GAGE1: variants seen among roughly 807,000 people sequenced by gnomAD.
GAGE1 encodes G antigen 1, also known as G antigen 4.
Under a neutral mutation model 5.0 loss-of-function variants are expected in GAGE1, and 5 were observed. The observed-to-expected ratio is 1.00, with a 90% CI of 0.52 to 2.11. The LOEUF (loss-of-function observed/expected upper bound fraction) is 2.11, where lower values mean the gene tolerates loss of function less well. GAGE1 is among the 30% of genes most tolerant of loss of function. The pLI is 0.01. For missense variants in GAGE1, 9 were observed against 38.9 expected (o/e 0.23, Z 2.04); for synonymous variants, 6 against 14.8 (o/e 0.40, Z 1.37).
At chrX:49,604,179 G>C (rs1312956476) in intron 4 of GAGE1, among the ~76,000 whole-genome samples, 1 of 112,667 alleles carries the variant, frequency 8.9e-6, no homozygotes, top group Non-Finnish European at 1.9e-5. Flanking sequence ...GTAAGAGAGA[G>C]TTAACAATAC....
intron 4 of GAGE1, chrX:49,604,954 C>T (rs782471410): frequency 2.6e-5 from 17 of 647,643 alleles, no homozygotes; most frequent in African/African-American, 9.0e-5. Flanking sequence ...ACTACATGCA[C>T]AAGCCAACGT....
chrX:49,603,022 CA>C (rs1246893050), intron 3 of GAGE1, among the ~76,000 whole-genome samples: 1 of 88,633 alleles, frequency 1.1e-5, no homozygotes, highest in Non-Finnish European at 2.3e-5. Flanking sequence ...CTTGGCATCC[CA>C]AAATGTTTGG....
At chrX:49,605,924 A>AATAATT in intron 4 of GAGE1, 69 bp from the exon 5 acceptor site, 1 of 501,954 alleles carries the variant, frequency 2.0e-6, no homozygotes, top group Non-Finnish European at 2.8e-6. Context: ...TAATAATAAT[A>AATAATT]ATAATAATAA....
chrX:49,606,129 A>C lies in GAGE1; in HGVS notation c.*114A>C. ...AAAGAAGTCTTGTGAATCTTTTGTC[A>C]ATTTTATTTCTAGCTATTTGATGCT... On this transcript the variant is annotated 3_prime_UTR_variant, in exon 5 of 5. Transcript: ENST00000381700. 1 of 433,731 alleles carries C rather than the reference A, an allele frequency of 2.3e-6. No homozygotes were observed. The allele number at this position is 433,731 out of a possible 1,213,427, so 35.7% of individuals were successfully genotyped here. A position where few individuals can be genotyped will look rare whatever the true frequency, so the allele number is the denominator to read the frequency against.
At chrX:49,605,200 G>T in intron 4 of GAGE1, 1 of 875,109 alleles carries the variant, frequency 1.1e-6, no homozygotes, top group Non-Finnish European at 1.5e-6. Flanking sequence ...CATGCTCCCT[G>T]CCCCACTGTC....
In GAGE1 at chrX:49,606,062, T is replaced by G. The variant is rs782010438; in HGVS notation, c.*47T>G. The G allele has an allele frequency of 3.1e-5, 29 of 942,787 alleles. No homozygotes were observed. The highest frequency in any genetic ancestry group is 3.9e-5 in the Non-Finnish European group (28 of 711,825). 77.7% of individuals were successfully genotyped at this position (942,787 alleles called of 1,213,427 possible). A position where few individuals can be genotyped will look rare whatever the true frequency, so the allele number is the denominator to read the frequency against. ...GCAGGCTGCTCCTATGTTGGAAAAT[T>G]CTTCATTGAAGTTCTCCCAATAAAG... On this transcript the variant is annotated 3_prime_UTR_variant, in exon 5 of 5. Transcript: ENST00000381700.
At chrX:49,605,600 C>G (rs782495441) in intron 4 of GAGE1, among the ~76,000 whole-genome samples, 1 of 111,831 alleles carries the variant, frequency 8.9e-6, no homozygotes, top group South Asian at 3.7e-4. Flanking sequence ...CTTTGTATGC[C>G]TTTAGGGCCA....
At chrX:49,604,264 C>T (rs190112498) in intron 4 of GAGE1, among the ~76,000 whole-genome samples, 16 of 112,682 alleles carry the variant, frequency 1.4e-4, no homozygotes, top group African/African-American at 4.5e-4. Context: ...GAGTGATAGA[C>T]TTTCAGATAG....
chrX:49,604,886 C>T (rs1377762164), intron 4 of GAGE1: 14 of 277,597 alleles, frequency 5.0e-5, no homozygotes, highest in Non-Finnish European at 8.1e-5. Flanking sequence ...CAGCTCACTG[C>T]AACCTCTGGC....
At chrX:49,605,757 A>G (rs1303929310) in intron 4 of GAGE1, among the ~76,000 whole-genome samples, 1 of 110,439 alleles carries the variant, frequency 9.1e-6, no homozygotes, top group Non-Finnish European at 1.9e-5. Flanking sequence ...AAACATACAA[A>G]AAATTAGCCC....
intron 4 of GAGE1, among the ~76,000 whole-genome samples, chrX:49,604,652 C>T (rs2066641094): frequency 2.7e-5 from 3 of 112,489 alleles, no homozygotes; most frequent in African/African-American, 9.7e-5. Flanking sequence ...AATCACAAAT[C>T]ATGAAACCCT....
At chrX:49,605,796 C>T (rs5953325) in intron 4 of GAGE1, among the ~76,000 whole-genome samples, 197 bp from the exon 5 acceptor site, 47,562 of 108,384 alleles carry the variant, frequency 0.44, 8,984 homozygotes, top group Non-Finnish European at 0.59. Flanking sequence ...GTGGTCCCAG[C>T]TACTCAGGAG....
chrX:49,604,235 A>T (rs2066636002), intron 4 of GAGE1, among the ~76,000 whole-genome samples: 1 of 112,710 alleles, frequency 8.9e-6, no homozygotes, highest in South Asian at 3.6e-4. Flanking sequence ...TTTGAAATGT[A>T]GTTCAGGCCC....
chrX:49,607,708 C>T lies in GAGE1; in HGVS notation c.*1693C>T, dbSNP rs906739254. The stretch of plus-strand genomic sequence containing the variant: ...AACTCTCTGTGCACAGAAAGTTAAA[C>T]GTCACTGGTTATTAATTTCCCTAGA... On this transcript the variant is annotated 3_prime_UTR_variant, in exon 5 of 5. Transcript: ENST00000381700. 11 of 111,626 alleles carry T rather than the reference C, an allele frequency of 9.9e-5. No homozygotes were observed. The highest frequency in any genetic ancestry group is 5.6e-4 in the East Asian group (2 of 3,568). 9.2% of individuals were successfully genotyped at this position (111,626 alleles called of 1,213,427 possible).
chrX:49,604,850 C>G, intron 4 of GAGE1: 1 of 228,813 alleles, frequency 4.4e-6, no homozygotes, highest in Non-Finnish European at 8.2e-6. Context: ...GTCTGTCACC[C>G]AGGGTGGAGT....
chrX:49,605,252 C>T, intron 4 of GAGE1: 2 of 640,707 alleles, frequency 3.1e-6, no homozygotes, highest in Non-Finnish European at 4.1e-6. Flanking sequence ...TGTAGACACA[C>T]ATATGATATA....
chrX:49,605,980 T>C lies in GAGE1; in HGVS notation c.332-13T>C, dbSNP rs370195970. ...TGCTCTGTAATGTTCCCAACTGTTT[T>C]GTTTTGTTTCAGGTGAAGGGCAATC... On this transcript the variant is annotated splice_polypyrimidine_tract_variant and intron_variant, in intron 4 of 4. Transcript: ENST00000381700. 3.5e-4 allele frequency: 371 copies of C among 1,051,267 alleles called. No homozygotes were observed. In the African/African-American group the frequency reaches 6.4e-3, roughly 18 times the overall value. 86.6% of individuals were successfully genotyped at this position (1,051,267 alleles called of 1,213,427 possible). A position where few individuals can be genotyped will look rare whatever the true frequency, so the allele number is the denominator to read the frequency against.
In GAGE1 at chrX:49,607,042, G is replaced by A. The variant is rs374669065; in HGVS notation, c.*1027G>A. ...TGCTGACTGCAGTAGTGTGATCACAGCTTACTGCAACCTCAACCTCCTGGG... is the reference window on the plus strand; with the variant it reads ...TGCTGACTGCAGTAGTGTGATCACAACTTACTGCAACCTCAACCTCCTGGG... On this transcript the variant is annotated 3_prime_UTR_variant, in exon 5 of 5. Coordinates refer to ENST00000381700, the MANE Select transcript of GAGE1 (RefSeq NM_001040663.4). 3 of 111,655 alleles carry A rather than the reference G, an allele frequency of 2.7e-5. No homozygotes were observed. Among genetic ancestry groups the A allele is most frequent in the African/African-American group, 9.8e-5 (3 of 30,672 alleles). The allele number at this position is 111,655 out of a possible 1,213,427, so 9.2% of individuals were successfully genotyped here.
At position 49,608,318 on chromosome X, in the gene GAGE1, A is replaced by C. The variant is rs2066669961; in HGVS notation, c.*2303A>C. ...GCTGCATGTTTACCCAGCATGCTTG[A>C]ACCCAAGCTGGAGCCTTGAACATAA... On this transcript the variant is annotated 3_prime_UTR_variant, in exon 5 of 5. Coordinates refer to ENST00000381700, the MANE Select transcript of GAGE1 (RefSeq NM_001040663.4). 3 of 111,712 alleles carry C rather than the reference A, an allele frequency of 2.7e-5. No individual in the cohort carries two copies. The highest frequency in any genetic ancestry group is 9.8e-5 in the African/African-American group (3 of 30,768). 9.2% of individuals were successfully genotyped at this position (111,712 alleles called of 1,213,427 possible).
Sources: gnomAD v4.1 joint callset for allele counts (sites outside exome capture counted in the v4.1 genomes callset) on GRCh38, gnomAD v4.1.1 for gene constraint, MANE v1.5 for transcripts, NCBI Gene and HGNC (gene_info 2026-07-23, HGNC 2026-07-21) for gene names.